The following PSD3 variants were observed in gnomAD, a reference collection of about 807,000 sequenced individuals.
PSD3 encodes the protein pleckstrin and Sec7 domain containing 3, also known as PH and SEC7 domain-containing protein 3.
In PSD3, 49 loss-of-function variants were observed where a neutral mutation model predicts 105.5. The observed-to-expected ratio is 0.46, with a 90% CI of 0.37 to 0.59. The LOEUF (loss-of-function observed/expected upper bound fraction) is 0.59. Ranked by LOEUF, PSD3 falls within the 20% of genes least tolerant of loss-of-function variation. The pLI is 0.00. For synonymous variants in PSD3, 557 were observed against 457.8 expected (o/e 1.22, Z -2.77); for missense variants, 1,561 against 1,263.8 (o/e 1.24, Z -3.57).
intron 15 of PSD3, among the ~76,000 whole-genome samples, chr8:18,546,181 G>T (rs968984200): frequency 2.4e-4 from 36 of 152,234 alleles, no homozygotes; most frequent in African/African-American, 8.7e-4. Flanking sequence ...ATTTTTAGTA[G>T]AGAAGGTATT....
At position 18,535,781 on chromosome 8, in the gene PSD3, G is replaced by T; in HGVS notation, c.3106C>A (p.Arg1036=). The change falls in exon 16 of 16, where the codon CGA becomes AGA. Residue 1036 remains arginine, a synonymous_variant. Coordinates refer to ENST00000327040, the MANE Select transcript of PSD3 (RefSeq NM_015310.4). ...KRNVSERKDH[R]PETPSIKQKV... ...TGCTTAATGCTTGGTGTTTCAGGTC[G>T]GTGATCCTTCCTCTCTGACACGTTA... 1.2e-6 allele frequency: 2 copies of T among 1,613,984 alleles called. No individual in the cohort carries two copies. The highest frequency in any genetic ancestry group is 1.7e-6 in the Non-Finnish European group (2 of 1,179,938).
chr8:18,712,946 T>G (rs1383419179), intron 9 of PSD3, among the ~76,000 whole-genome samples: 1 of 152,168 alleles, frequency 6.6e-6, no homozygotes, highest in Non-Finnish European at 1.5e-5. Context: ...ATGATGAAGT[T>G]GGCTTCATCC....
At chr8:18,976,101 T>C (rs1824931321) in intron 1 of PSD3, among the ~76,000 whole-genome samples, 1 of 152,162 alleles carries the variant, frequency 6.6e-6, no homozygotes, top group East Asian at 1.9e-4. Context: ...TCACATAAAC[T>C]ATAATATCAC....
chr8:19,071,921 G>A (rs1418975996), intron 1 of PSD3, among the ~76,000 whole-genome samples: 1 of 152,068 alleles, frequency 6.6e-6, no homozygotes, highest in Non-Finnish European at 1.5e-5. Context: ...TGTTGGTCAG[G>A]CTGGTCTGGA....
At chr8:18,718,068 G>A (rs555392992) in intron 9 of PSD3, among the ~76,000 whole-genome samples, 8 of 152,168 alleles carry the variant, frequency 5.3e-5, no homozygotes, top group Non-Finnish European at 8.8e-5. Context: ...AAGCACATTC[G>A]GCAGAAATGG....
chr8:18,713,489 C>T (rs933431914), intron 9 of PSD3, among the ~76,000 whole-genome samples: 3 of 152,066 alleles, frequency 2.0e-5, no homozygotes, highest in Admixed American at 6.6e-5. Flanking sequence ...ACACCAACAA[C>T]AGACAAGCAG....
Position 18,530,370 on chromosome 8 carries a change from G to C in PSD3, c.*5373C>G, listed in dbSNP as rs1288447614. ...CCTGTGACACTAGATGCTAATTTCT[G>C]CAACTGCAAACCTAGGATACAGTAC... On this transcript the variant is annotated 3_prime_UTR_variant, in exon 16 of 16. Transcript: ENST00000327040. The C allele has an allele frequency of 6.6e-6, 1 of 152,338 alleles. No homozygotes were observed. The allele number at this position is 152,338 out of a possible 1,614,324, so 9.4% of individuals were successfully genotyped here. A position where few individuals can be genotyped will look rare whatever the true frequency, so the allele number is the denominator to read the frequency against.
intron 1 of PSD3, among the ~76,000 whole-genome samples, chr8:18,951,222 C>A (rs904139365): frequency 6.6e-6 from 1 of 152,066 alleles, no homozygotes; most frequent in African/African-American, 2.4e-5. Context: ...TAGTGAGACA[C>A]CATCTCCACA....
At chr8:18,877,539 C>CTT (rs61667418) in intron 2 of PSD3, among the ~76,000 whole-genome samples, 8 of 138,136 alleles carry the variant, frequency 5.8e-5, no homozygotes, top group Admixed American at 7.3e-5. Flanking sequence ...AGATGCCTAT[C>CTT]TTTTTTTTTT....
At chr8:18,809,754 T>C (rs982997061) in intron 4 of PSD3, among the ~76,000 whole-genome samples, 9 of 152,250 alleles carry the variant, frequency 5.9e-5, no homozygotes, top group African/African-American at 2.2e-4. Flanking sequence ...CTGGATTTTT[T>C]CACTTGTTTC....
intron 1 of PSD3, among the ~76,000 whole-genome samples, chr8:18,971,554 G>C (rs1475660243): frequency 6.6e-6 from 1 of 152,156 alleles, no homozygotes; most frequent in Non-Finnish European, 1.5e-5. Flanking sequence ...AGGGGAATGA[G>C]GCTGCAGCCC....
In PSD3 at chr8:18,547,854, A is replaced by G. The variant is rs182792793; in HGVS notation, c.2928+8355T>C. Among the ~76,000 whole-genome samples the G allele has an allele frequency of 2.6e-4, 40 of 152,322 alleles. No individual in the cohort carries two copies. The East Asian group carries it at 5.0e-3, about 19-fold the overall frequency. ...ATATCTTTCTCTAGATTTGGGAAGT[A>G]TTCAGTCTTTAAATAAGTATTCTTT... is the stretch of plus-strand genomic sequence containing the variant. On this transcript the variant is annotated intron_variant, in intron 15 of 15. Transcript: ENST00000327040.
At chr8:18,728,131 T>C (rs1339024112) in intron 9 of PSD3, among the ~76,000 whole-genome samples, 1 of 152,164 alleles carries the variant, frequency 6.6e-6, no homozygotes, top group Non-Finnish European at 1.5e-5. Context: ...TTTATCATTA[T>C]AGGTTCAGGT....
chr8:18,838,632 T>C (rs966696641), intron 4 of PSD3, among the ~76,000 whole-genome samples: 1 of 151,628 alleles, frequency 6.6e-6, no homozygotes, highest in African/African-American at 2.4e-5. Context: ...AAACCCCATC[T>C]CTACTAAAAA....
chr8:18,638,533 A>G (rs1448838213), intron 10 of PSD3, among the ~76,000 whole-genome samples: 1 of 134,998 alleles, frequency 7.4e-6, no homozygotes, highest in African/African-American at 2.9e-5. Flanking sequence ...TTCCAAAAGC[A>G]TTAAAAACAA....
chr8:18,808,859 T>C, intron 4 of PSD3: 1 of 1,603,624 alleles, frequency 6.2e-7, no homozygotes, highest in Non-Finnish European at 8.5e-7. Context: ...GCTCCCAAGT[T>C]CAGTGACTGC....
intron 4 of PSD3, among the ~76,000 whole-genome samples, chr8:18,817,316 A>G (rs965630347): frequency 3.3e-5 from 5 of 152,162 alleles, no homozygotes; most frequent in Admixed American, 6.5e-5. Flanking sequence ...TTCCCCCTGT[A>G]ATTCTGCAGT....
rs545882073 is a variant in PSD3, at chr8:19,080,990, G to A, written c.324+3216C>T. On this transcript the variant is annotated intron_variant, in intron 1 of 1. Transcript: ENST00000521475. ...AAAGCTTTTCCCCCCTGTCTTTTGA[G>A]TTGGGTCTGCTTTCCTTATCCTCTT... 2.6e-5 allele frequency among the ~76,000 whole-genome samples: 4 copies of A among 152,262 alleles called. No individual in the cohort carries two copies. In the South Asian group the frequency reaches 8.3e-4, roughly 32 times the overall value.
At chr8:18,988,252 C>T (rs1396012364) in intron 1 of PSD3, among the ~76,000 whole-genome samples, 2 of 152,024 alleles carry the variant, frequency 1.3e-5, no homozygotes, top group Non-Finnish European at 2.9e-5. Flanking sequence ...TAAAAGTGCC[C>T]TGATAAATCT....
Sources: allele counts gnomAD v4.1 joint callset (sites outside exome capture counted in the v4.1 genomes callset), GRCh38; gene constraint gnomAD v4.1.1; transcripts MANE v1.5; gene names NCBI Gene and HGNC (gene_info 2026-07-23, HGNC 2026-07-21).